The following WWP2 variants were observed in gnomAD, a reference collection of about 807,000 sequenced individuals.
WWP2 encodes WW domain containing E3 ubiquitin protein ligase 2.
In WWP2, 57 loss-of-function variants were observed where a neutral mutation model predicts 121.0. The observed-to-expected ratio is 0.47, with a 90% confidence interval of 0.38 to 0.59. The LOEUF (loss-of-function observed/expected upper bound fraction) is 0.59, where lower values mean the gene tolerates loss of function less well. Ranked by LOEUF, WWP2 falls within the 20% of genes least tolerant of loss-of-function variation. The pLI is 0.00. For synonymous variants in WWP2, 449 were observed against 441.3 expected, an observed-to-expected ratio of 1.02 and a Z score of -0.22; for missense variants, 962 against 1,158.9, an observed-to-expected ratio of 0.83 and a Z score of 2.47.
intron 6 of WWP2, among the ~76,000 whole-genome samples, chr16:69,845,168 T>C (rs1487846922): frequency 6.6e-6 from 1 of 152,138 alleles, no homozygotes; most frequent in Non-Finnish European, 1.5e-5. Flanking sequence ...ATCACCTGTC[T>C]CACAGGGTTA....
At chr16:69,770,995 T>C (rs1352899778) in intron 1 of WWP2, among the ~76,000 whole-genome samples, 1 of 151,684 alleles carries the variant, frequency 6.6e-6, no homozygotes, top group Non-Finnish European at 1.5e-5. Context: ...AAGGTAGTAT[T>C]CTGTGTTGTG....
At chr16:69,895,324 T>C (rs2058090194) in intron 8 of WWP2, among the ~76,000 whole-genome samples, 1 of 152,258 alleles carries the variant, frequency 6.6e-6, no homozygotes, top group Non-Finnish European at 1.5e-5. Context: ...TCAAAACTAT[T>C]TGTGAGAAAA....
intron 4 of WWP2, among the ~76,000 whole-genome samples, chr16:69,813,931 C>A (rs2151834924): frequency 6.6e-6 from 1 of 152,278 alleles, no homozygotes; most frequent in East Asian, 1.9e-4. Context: ...CATTTAAAAT[C>A]AGAAGAGAAA....
intron 8 of WWP2, among the ~76,000 whole-genome samples, chr16:69,892,163 T>C (rs1055677158): frequency 2.0e-5 from 3 of 152,072 alleles, no homozygotes; most frequent in Non-Finnish European, 4.4e-5. Flanking sequence ...GATTCTCTCT[T>C]TTTTTTAATT....
chr16:69,785,445 A>G (rs1459089453), intron 1 of WWP2, among the ~76,000 whole-genome samples: 1 of 152,176 alleles, frequency 6.6e-6, no homozygotes, highest in African/African-American at 2.4e-5. Context: ...TGGATATTGC[A>G]TAATGAAATG....
chr16:69,888,142 G>A lies in WWP2; in HGVS notation c.807G>A (p.Thr269=), dbSNP rs540833186. ...TGAGTGTGACCCCGAATCCCAACAC[G>A]ACTTCTCTCCCTGCCCCAGCCACAC... ...APLSVTPNPN[T]TSLPAPATPA... Residue 269 remains threonine, a synonymous_variant, in exon 8 of 24, where the codon ACG becomes ACA. Coordinates refer to ENST00000359154, the MANE Select transcript of WWP2 (RefSeq NM_001270454.2). 5 of 1,614,120 alleles carry A rather than the reference G, an allele frequency of 3.1e-6. No homozygotes were observed. The highest frequency in any genetic ancestry group is 1.7e-5 in the Admixed American group (1 of 60,010).
chr16:69,848,034 CAT>C (rs1423294594), intron 6 of WWP2, among the ~76,000 whole-genome samples: 3 of 152,280 alleles, frequency 2.0e-5, no homozygotes, highest in African/African-American at 7.2e-5. Flanking sequence ...GTAAAATTTC[CAT>C]AGTCATACAG....
At chr16:69,882,637 T>G (rs1166313986) in intron 7 of WWP2, among the ~76,000 whole-genome samples, 1 of 152,102 alleles carries the variant, frequency 6.6e-6, no homozygotes, top group Non-Finnish European at 1.5e-5. Context: ...GTGCTTTCCC[T>G]GGGCCGCAGG....
At chr16:69,858,912 A>G (rs2057367692) in intron 6 of WWP2, among the ~76,000 whole-genome samples, 3 of 152,150 alleles carry the variant, frequency 2.0e-5, no homozygotes, top group South Asian at 4.1e-4. Context: ...CTCCTTCGAC[A>G]TGGGCACTGG....
chr16:69,794,185 T>C (rs1256919770), intron 2 of WWP2, among the ~76,000 whole-genome samples: 1 of 152,112 alleles, frequency 6.6e-6, no homozygotes, highest in East Asian at 1.9e-4. Context: ...CCCAAAGTGC[T>C]GGGATTACAG....
intron 5 of WWP2, 118 bp from the exon 6 acceptor site, chr16:69,841,906 C>A: frequency 3.2e-6 from 3 of 931,594 alleles, no homozygotes; most frequent in Non-Finnish European, 3.3e-6. Flanking sequence ...ATGTCCATAT[C>A]CCGTGGTGGT....
chr16:69,806,959 TTCATTCATTC>T (rs2151825091), intron 4 of WWP2, among the ~76,000 whole-genome samples: 1 of 148,416 alleles, frequency 6.7e-6, no homozygotes, highest in Non-Finnish European at 1.5e-5. Context: ...TATTTATTCA[TTCATTCATTC>T]ATTCATTCAT....
intron 6 of WWP2, among the ~76,000 whole-genome samples, chr16:69,850,057 A>G (rs2057173880): frequency 6.6e-6 from 1 of 152,168 alleles, no homozygotes; most frequent in Admixed American, 6.5e-5. Context: ...CTTGATATAC[A>G]TGAATGCCAG....
chr16:69,923,278 T>C (rs1466476471), intron 10 of WWP2, among the ~76,000 whole-genome samples: 3 of 123,334 alleles, frequency 2.4e-5, no homozygotes, highest in Admixed American at 2.0e-4. Flanking sequence ...CCTGTCTGCC[T>C]CCTCTTCTCC....
chr16:69,838,247 CCT>C (rs966676482), intron 4 of WWP2, among the ~76,000 whole-genome samples: 2 of 151,920 alleles, frequency 1.3e-5, no homozygotes, highest in Admixed American at 6.6e-5. Context: ...CATGATTACC[CCT>C]GTTTTGCAGG....
rs954183585 is a variant in WWP2, at chr16:69,925,400, TCTGTGTTCTG to T, written c.1180-22_1180-13del. Reference sequence around the variant, plus strand: ...TTTTCACCAGTGGCTTTTTGTAACCTCTGTGTTCTGCTGTGTTTCTTGTGTTTAGTCTTCG... The same window carrying T: ...TTTTCACCAGTGGCTTTTTGTAACCTCTGTGTTTCTTGTGTTTAGTCTTCG... On this transcript the variant is annotated intron_variant, in intron 10 of 23. Coordinates refer to ENST00000359154, the MANE Select transcript of WWP2 (RefSeq NM_001270454.2). The surrounding 1 kb of genome is among the most constrained non-coding windows in gnomAD (Gnocchi z 4.0). 2 of 1,608,746 alleles carry T rather than the reference TCTGTGTTCTG, an allele frequency of 1.2e-6. No homozygotes were observed. Among genetic ancestry groups the T allele is most frequent in the African/African-American group, 2.7e-5 (2 of 74,472 alleles).
chr16:69,865,301 C>T (rs1413807418), intron 6 of WWP2, among the ~76,000 whole-genome samples: 1 of 152,182 alleles, frequency 6.6e-6, no homozygotes, highest in African/African-American at 2.4e-5. Flanking sequence ...CCGCCTGCCT[C>T]AGCCTCCCAA....
chr16:69,863,593 A>G (rs2057465685), intron 6 of WWP2, among the ~76,000 whole-genome samples: 1 of 152,186 alleles, frequency 6.6e-6, no homozygotes, highest in African/African-American at 2.4e-5. Context: ...GTGAGCCGAG[A>G]TTGCGCCACT....
intron 1 of WWP2, among the ~76,000 whole-genome samples, chr16:69,784,290 A>C (rs1258078731): frequency 6.6e-6 from 1 of 151,710 alleles, no homozygotes; most frequent in Non-Finnish European, 1.5e-5. Context: ...AGTAGAGACG[A>C]GGTTTCACCA....
Sources: allele counts gnomAD v4.1 joint callset (sites outside exome capture counted in the v4.1 genomes callset), GRCh38; gene constraint gnomAD v4.1.1; non-coding constraint Gnocchi (gnomAD v3.1); transcripts MANE v1.5; gene names NCBI Gene and HGNC (gene_info 2026-07-23, HGNC 2026-07-21).